ZRANB3: variants seen among roughly 807,000 people sequenced by gnomAD.
ZRANB3 encodes zinc finger RANBP2-type containing 3, also known as DNA annealing helicase and endonuclease ZRANB3.
In ZRANB3, 125 loss-of-function variants were observed where a neutral mutation model predicts 133.8. The observed-to-expected ratio is 0.93, with a 90% CI of 0.81 to 1.08. ZRANB3 has a LOEUF of 1.08. Among genes scored for constraint, ZRANB3 ranks in the 50% least tolerant of loss-of-function variants. ZRANB3 has a pLI of 0.00. For synonymous variants in ZRANB3, 387 were observed against 432.7 expected (o/e 0.89, Z 1.31); for missense variants, 1,229 against 1,275.5 (o/e 0.96, Z 0.56).
At chr2:135,292,209 C>G (rs1300869150) in intron 8 of ZRANB3, among the ~76,000 whole-genome samples, 1 of 152,206 alleles carries the variant, frequency 6.6e-6, no homozygotes, top group Non-Finnish European at 1.5e-5. Context: ...TACAGTCCCA[C>G]CAACAGTGTA....
intron 8 of ZRANB3, among the ~76,000 whole-genome samples, chr2:135,288,883 T>C (rs1412908255): frequency 6.6e-6 from 1 of 151,534 alleles, no homozygotes; most frequent in Non-Finnish European, 1.5e-5. Flanking sequence ...CGTGTGTGTG[T>C]GTGTGTGTGT....
intron 6 of ZRANB3, among the ~76,000 whole-genome samples, chr2:135,317,927 A>G (rs1683338168): frequency 6.6e-6 from 1 of 152,054 alleles, no homozygotes; most frequent in Non-Finnish European, 1.5e-5. Flanking sequence ...ACAATAACAC[A>G]TTTGCCAAAA....
In ZRANB3 at chr2:135,216,593, C is replaced by T. The variant is rs565103255; in HGVS notation, c.2495+872G>A. On this transcript the variant is annotated intron_variant, in intron 17 of 20. Coordinates refer to ENST00000264159, the MANE Select transcript of ZRANB3 (RefSeq NM_032143.4). ...TAGCTAGAACTATAGGAGTGTGCCA[C>T]CTGGCTAATTTTTTTTTTTTTTTTT... Among the ~76,000 whole-genome samples, 10 of 151,812 alleles carry T rather than the reference C, an allele frequency of 6.6e-5. No homozygotes were observed. The South Asian group carries it at 2.1e-3, about 32-fold the overall frequency.
At chr2:135,396,132 C>A (rs968386920) in intron 2 of ZRANB3, among the ~76,000 whole-genome samples, 1 of 152,072 alleles carries the variant, frequency 6.6e-6, no homozygotes, top group African/African-American at 2.4e-5. Context: ...TATCATCTCA[C>A]CCCAGTTAAA....
chr2:135,465,874 T>C (rs1298786707), intron 2 of ZRANB3, among the ~76,000 whole-genome samples: 1 of 152,088 alleles, frequency 6.6e-6, no homozygotes, highest in African/African-American at 2.4e-5. Flanking sequence ...GAACAGACAC[T>C]TGCCAAAAGA....
intron 2 of ZRANB3, among the ~76,000 whole-genome samples, chr2:135,401,074 T>G (rs58741231): frequency 0.1 from 15,969 of 152,212 alleles, 1,104 homozygotes; most frequent in South Asian, 0.32. Context: ...CCCATTTACC[T>G]ATATTAAACA....
chr2:135,271,672 C>A, intron 10 of ZRANB3, 96 bp downstream of exon 10: 1 of 1,387,140 alleles, frequency 7.2e-7, no homozygotes, highest in Non-Finnish European at 9.6e-7. Flanking sequence ...CATCCAGATA[C>A]AAAGTTACAA....
rs114655898 is a variant in ZRANB3 at position 135,474,252 on chromosome 2, G to C, written c.161+30077C>G. 3.0e-3 allele frequency among the ~76,000 whole-genome samples: 450 copies of C among 152,022 alleles called. 2 individuals carry two copies. The highest frequency in any genetic ancestry group is 0.01 in the African/African-American group (426 of 41,464). On this transcript the variant is annotated intron_variant, in intron 2 of 20. Transcript: ENST00000264159. ...TCTAGAATGCTAAAACCAACAATTA[G>C]TTCCAGTTCATTTTTAGTAAATAAT... is the stretch of plus-strand genomic sequence containing the variant.
chr2:135,269,179 T>C, intron 10 of ZRANB3, 38 bp from the exon 11 acceptor site: 1 of 1,510,956 alleles, frequency 6.6e-7, no homozygotes, highest in Non-Finnish European at 8.9e-7. Flanking sequence ...GAATGTAACA[T>C]ACAGCCAATA....
chr2:135,265,524 A>G lies in ZRANB3; in HGVS notation c.1539+10T>C, dbSNP rs1261492069. 2 of 1,607,766 alleles carry G rather than the reference A, an allele frequency of 1.2e-6. No homozygotes were observed. The highest frequency in any genetic ancestry group is 1.3e-5 in the African/African-American group (1 of 74,784). On this transcript the variant is annotated intron_variant, in intron 12 of 20. Coordinates refer to ENST00000264159, the MANE Select transcript of ZRANB3 (RefSeq NM_032143.4). ...AAAAAAATAGAAAAGAGTAAGGCATATAATCTTACGTGAGTGAACAAAGCT... is the reference window on the plus strand; with the variant it reads ...AAAAAAATAGAAAAGAGTAAGGCATGTAATCTTACGTGAGTGAACAAAGCT...
Position 135,504,374 on chromosome 2 carries a change from G to T in ZRANB3, c.116C>A (p.Pro39Gln). ...LPDRLRAKLL[P>Q]FQKDGIIFAL... The stretch of plus-strand genomic sequence containing the variant: ...AAAAATGATGCCATCTTTCTGGAAT[G>T]GAAGTAGCTTTGCTCTTAGTCTGTC... The change falls in exon 2 of 21, where the codon CCA (proline) becomes CAA (glutamine). Residue 39 changes from proline (P) to glutamine (Q), a missense_variant. Transcript: ENST00000264159. The T allele has an allele frequency of 6.2e-7, 1 of 1,613,652 alleles. No individual in the cohort carries two copies. The highest frequency in any genetic ancestry group is 1.1e-5 in the South Asian group (1 of 91,058).
At chr2:135,431,337 T>C (rs1383439875) in intron 2 of ZRANB3, among the ~76,000 whole-genome samples, 2 of 150,512 alleles carry the variant, frequency 1.3e-5, no homozygotes, top group African/African-American at 2.4e-5. Flanking sequence ...AGATGATATA[T>C]ATTGATTATA....
intron 3 of ZRANB3, among the ~76,000 whole-genome samples, chr2:135,359,719 C>T (rs1047622420): frequency 2.6e-5 from 4 of 152,202 alleles, no homozygotes; most frequent in Non-Finnish European, 2.9e-5. Flanking sequence ...AGGACTGACA[C>T]TGACACTCAG....
chr2:135,436,919 G>T (rs1486455932), intron 2 of ZRANB3, among the ~76,000 whole-genome samples: 1 of 152,170 alleles, frequency 6.6e-6, no homozygotes, highest in Non-Finnish European at 1.5e-5. Context: ...GATTAAAATG[G>T]AAACAACACA....
At chr2:135,298,156 A>C (rs917801395) in intron 8 of ZRANB3, among the ~76,000 whole-genome samples, 2 of 152,106 alleles carry the variant, frequency 1.3e-5, no homozygotes, top group African/African-American at 2.4e-5. Flanking sequence ...TGAACCCGGG[A>C]GGCAGAGGGT....
chr2:135,245,947 A>AAAAAAAAAAAAAAAAAAAAAAAAAAAAG (rs1553461041), intron 12 of ZRANB3, among the ~76,000 whole-genome samples: 1 of 145,382 alleles, frequency 6.9e-6, no homozygotes, highest in African/African-American at 2.6e-5. Flanking sequence ...AAAAAAAAAA[A>AAAAAAAAAAAAAAAAAAAAAAAAAAAAG]AGAGACAGGG....
chr2:135,257,034 A>G (rs945365103), intron 12 of ZRANB3, among the ~76,000 whole-genome samples: 3 of 152,232 alleles, frequency 2.0e-5, no homozygotes, highest in African/African-American at 7.2e-5. Flanking sequence ...ATGGTCTAAA[A>G]AGGGGAGGAA....
rs987136881 is a variant in ZRANB3, at chr2:135,531,174, C to T, written c.-55G>A. 6.6e-6 allele frequency: 1 copy of T among 152,244 alleles called. No individual in the cohort carries two copies. Among genetic ancestry groups the T allele is most frequent in the Non-Finnish European group, 1.5e-5 (1 of 68,112 alleles). The allele number at this position is 152,244 out of a possible 1,614,324, so 9.4% of individuals were successfully genotyped here. On this transcript the variant is annotated 5_prime_UTR_variant, in exon 1 of 21. Coordinates refer to ENST00000264159, the MANE Select transcript of ZRANB3 (RefSeq NM_032143.4). ...AAACTCCGCACCTCAGGCTCCAACTCGTGGGAAAAGGTAGCTCTTTTACAA... is the reference window on the plus strand; with the variant it reads ...AAACTCCGCACCTCAGGCTCCAACTTGTGGGAAAAGGTAGCTCTTTTACAA...
chr2:135,285,917 C>T (rs1681338698), intron 8 of ZRANB3, among the ~76,000 whole-genome samples: 1 of 152,034 alleles, frequency 6.6e-6, no homozygotes, highest in African/African-American at 2.4e-5. Flanking sequence ...ACATACATTA[C>T]AAAGCAACAA....
Sources: gnomAD v4.1 joint callset for allele counts (sites outside exome capture counted in the v4.1 genomes callset) on GRCh38, gnomAD v4.1.1 for gene constraint, MANE v1.5 for transcripts, NCBI Gene and HGNC (gene_info 2026-07-23, HGNC 2026-07-21) for gene names.